AMZ1: variants seen among roughly 807,000 people sequenced by gnomAD.
The protein encoded by AMZ1 is archaelysin family metallopeptidase 1, also known as archaemetzincin-1.
A neutral mutation model predicts 29.9 loss-of-function variants in AMZ1; 39 were observed. The ratio of observed to expected loss-of-function variants is 1.30; its 90% CI spans 1.01 to 1.70. The LOEUF (loss-of-function observed/expected upper bound fraction) is 1.70, where lower values mean the gene tolerates loss of function less well. Among genes scored for constraint, AMZ1 ranks in the 40% most tolerant of loss-of-function variants. The probability of loss-of-function intolerance (pLI) is 0.00; values close to 1 mark genes in which losing one functional copy is unlikely to be tolerated. For missense variants in AMZ1, 1,041 were observed against 680.6 expected (o/e 1.53, Z -5.89); for synonymous variants, 458 against 304.0 (o/e 1.51, Z -5.27).
chr7:2,687,173 A>G (rs990783792), upstream of AMZ1, among the ~76,000 whole-genome samples: 2 of 152,102 alleles, frequency 1.3e-5, no homozygotes, highest in Non-Finnish European at 2.9e-5. Flanking sequence ...TTAAAAATAC[A>G]AAAATTAGCT....
chr7:2,703,036 C>T (rs1454407211), intron 3 of AMZ1, 147 bp downstream of exon 3: 5 of 1,192,790 alleles, frequency 4.2e-6, no homozygotes, highest in Non-Finnish European at 4.5e-6. Flanking sequence ...GGAAGCAGGA[C>T]CAAGCCGGAG....
intron 2 of AMZ1, 161 bp from the exon 3 acceptor site, chr7:2,702,561 G>T (rs1353903464): frequency 1.3e-6 from 1 of 779,846 alleles, no homozygotes; most frequent in Non-Finnish European, 2.0e-6. Context: ...AAAAAGTCAT[G>T]CTTTCCATCC....
chr7:2,685,058 A>C (rs1050903068), upstream of AMZ1, among the ~76,000 whole-genome samples: 1 of 151,468 alleles, frequency 6.6e-6, no homozygotes, highest in African/African-American at 2.4e-5. Context: ...TTTAGTAAAG[A>C]TGGAGTTTCA....
At chr7:2,689,692 G>A (rs1021487652) in intron 1 of AMZ1, among the ~76,000 whole-genome samples, 1 of 152,250 alleles carries the variant, frequency 6.6e-6, no homozygotes, top group African/African-American at 2.4e-5. Context: ...CTCCGTGTGT[G>A]GCTTGGAGGA....
chr7:2,757,320 G>C (rs917030040), intron 4 of AMZ1, among the ~76,000 whole-genome samples: 4 of 151,742 alleles, frequency 2.6e-5, no homozygotes, highest in South Asian at 2.1e-4. Context: ...AGTTTTAGTA[G>C]AGACAGGGTT....
At position 2,747,321 on chromosome 7, in the gene AMZ1, C is replaced by T. The variant is rs186046487; in HGVS notation, n.551-17391C>T. On this transcript the variant is annotated intron_variant and non_coding_transcript_variant, in intron 4 of 4. Coordinates refer to the AMZ1 transcript ENST00000489665. ...GCAGCACATCAAAAAGCTTATCCAC[C>T]ATGATCAAGTTGGGCTTCATCCCTG... is the stretch of plus-strand genomic sequence containing the variant. Among the ~76,000 whole-genome samples the T allele has an allele frequency of 5.2e-3, 794 of 152,300 alleles. 7 individuals are homozygous for T. The highest frequency in any genetic ancestry group is 0.018 in the African/African-American group (749 of 41,552).
intron 2 of AMZ1, chr7:2,702,237 G>C (rs1480028124): frequency 3.2e-5 from 5 of 155,656 alleles, no homozygotes; most frequent in African/African-American, 1.2e-4. Context: ...CTCTGCCCCA[G>C]CCAGGCTGGC....
intron 4 of AMZ1, chr7:2,733,577 G>T: frequency 1.7e-6 from 2 of 1,164,750 alleles, no homozygotes; most frequent in East Asian, 2.4e-5. Context: ...GAACTGAACA[G>T]GGTAAGAGCA....
At chr7:2,745,739 G>C (rs989213827) in intron 4 of AMZ1, among the ~76,000 whole-genome samples, 3 of 152,204 alleles carry the variant, frequency 2.0e-5, no homozygotes, top group African/African-American at 7.2e-5. Context: ...TGGATAAAGA[G>C]TCAAGACCCA....
chr7:2,712,938 G>A lies in AMZ1; in HGVS notation c.*60G>A. On this transcript the variant is annotated 3_prime_UTR_variant, in exon 7 of 7. Coordinates refer to ENST00000683327, the MANE Select transcript of AMZ1 (RefSeq NM_001384743.1). The stretch of plus-strand genomic sequence containing the variant: ...GGATGCTGGCCAGCACTGTCCAGTA[G>A]CTGAGGCCACTACTGACCTGCCAGG... The A allele has an allele frequency of 1.4e-6, 2 of 1,469,336 alleles. No homozygotes were observed. Among genetic ancestry groups the A allele is most frequent in the Non-Finnish European group, 1.8e-6 (2 of 1,108,216 alleles). 91.0% of individuals were successfully genotyped at this position (1,469,336 alleles called of 1,614,324 possible).
intron 4 of AMZ1, among the ~76,000 whole-genome samples, chr7:2,751,562 A>C (rs1583235921): frequency 6.6e-6 from 1 of 152,184 alleles, no homozygotes; most frequent in Admixed American, 6.5e-5. Context: ...TGAATTTTGC[A>C]ATAGAAACAA....
At chr7:2,754,396 T>C (rs1311600184) in intron 4 of AMZ1, among the ~76,000 whole-genome samples, 1 of 152,140 alleles carries the variant, frequency 6.6e-6, no homozygotes, top group Non-Finnish European at 1.5e-5. Flanking sequence ...GTCGGATATG[T>C]AGTCAGCAAA....
At chr7:2,684,344 G>T, upstream of AMZ1, among the ~76,000 whole-genome samples, 1 of 152,124 alleles carries the variant, frequency 6.6e-6, no homozygotes. Context: ...CAACGACTCG[G>T]TTTCCAAATA....
intron 1 of AMZ1, among the ~76,000 whole-genome samples, chr7:2,699,574 T>A (rs552086282): frequency 6.6e-6 from 1 of 150,586 alleles, no homozygotes; most frequent in African/African-American, 2.4e-5. Flanking sequence ...AGGGACCTGC[T>A]AGGAAAGCTT....
intron 1 of AMZ1, among the ~76,000 whole-genome samples, chr7:2,689,680 G>A (rs1562355703): frequency 6.6e-6 from 1 of 152,222 alleles, no homozygotes; most frequent in Non-Finnish European, 1.5e-5. Context: ...TGGCACCTGC[G>A]GCTCCGTGTG....
intron 1 of AMZ1, among the ~76,000 whole-genome samples, chr7:2,680,590 C>T (rs895416704): frequency 2.0e-5 from 3 of 152,226 alleles, no homozygotes; most frequent in Non-Finnish European, 2.9e-5. Context: ...CTCATTTTCA[C>T]CCCCGACCCC....
At chr7:2,720,642 T>C (rs1421825365), downstream of AMZ1, among the ~76,000 whole-genome samples, 20 of 151,790 alleles carry the variant, frequency 1.3e-4, no homozygotes, top group Admixed American at 1.3e-3. Context: ...TGACCTCAAG[T>C]GAAACACCGA....
chr7:2,742,287 A>C (rs1009311886), intron 4 of AMZ1, among the ~76,000 whole-genome samples: 1 of 152,060 alleles, frequency 6.6e-6, no homozygotes, highest in African/African-American at 2.4e-5. Flanking sequence ...AAGTGCTGGG[A>C]TTACAGGTGT....
At chr7:2,707,661 G>T (rs1436372609) in intron 3 of AMZ1, among the ~76,000 whole-genome samples, 1 of 152,014 alleles carries the variant, frequency 6.6e-6, no homozygotes, top group Non-Finnish European at 1.5e-5. Flanking sequence ...AAAGTCAAGG[G>T]TTGGCTCCAG....
Sources: gnomAD v4.1 joint callset for allele counts (sites outside exome capture counted in the v4.1 genomes callset) on GRCh38, gnomAD v4.1.1 for gene constraint, MANE v1.5 for transcripts, NCBI Gene and HGNC (gene_info 2026-07-23, HGNC 2026-07-21) for gene names.